CD27: variants seen among roughly 807,000 people sequenced by gnomAD.
The protein encoded by CD27 is CD27 antigen.
CD27 carries 16 observed loss-of-function variants against 25.9 expected under a neutral mutation model. The observed-to-expected ratio is 0.62, with a 90% CI of 0.42 to 0.94. The LOEUF (loss-of-function observed/expected upper bound fraction) is 0.94. CD27 is among the 40% of genes least tolerant of loss of function. The pLI is 0.00. For synonymous variants in CD27, 142 were observed against 124.3 expected, an observed-to-expected ratio of 1.14 and a Z score of -0.95; for missense variants, 300 against 333.2, an observed-to-expected ratio of 0.90 and a Z score of 0.78.
At chr12:6,448,736 ACCTG>A (rs1407519213) in intron 2 of CD27, 1 of 152,208 alleles carries the variant, frequency 6.6e-6, no homozygotes, top group Non-Finnish European at 1.5e-5. Flanking sequence ...CTGCACTCCA[ACCTG>A]GGCGACAAAG....
rs1403805503 is a variant in CD27, at chr12:6,450,538, C to T, written c.449-3C>T. 1 of 1,613,042 alleles carries T rather than the reference C, an allele frequency of 6.2e-7. No homozygotes were observed. Among genetic ancestry groups the T allele is most frequent in the African/African-American group, 1.3e-5 (1 of 74,906 alleles). ...GCTACTCATTCTGTCTCTGTTTTTCCAGAGATGCTGGAGGCCAGGACAGCT... is the reference window on the plus strand; with the variant it reads ...GCTACTCATTCTGTCTCTGTTTTTCTAGAGATGCTGGAGGCCAGGACAGCT... On this transcript the variant is annotated splice_region_variant and splice_polypyrimidine_tract_variant and intron_variant, in intron 3 of 5. Transcript: ENST00000266557. The surrounding 1 kb of genome is among the most constrained non-coding windows in gnomAD (Gnocchi z 4.1).
rs1949502938 is a variant in CD27 at position 6,450,280 on chromosome 12, C to T, written c.376C>T (p.Pro126Ser). 2 of 1,613,804 alleles carry T rather than the reference C, an allele frequency of 1.2e-6. No individual in the cohort carries two copies. Among genetic ancestry groups the T allele is most frequent in the African/African-American group, 1.3e-5 (1 of 74,910 alleles). Residue 126 changes from proline to serine, a missense_variant, in exon 3 of 6, where the codon CCT becomes TCT. Transcript: ENST00000266557. This position sits in a 1 kb window ranked among gnomAD's most constrained non-coding sequence, Gnocchi z 4.1. The part of the protein sequence containing the change: ...ECTECDPLPN[P>S]SLTARSSQAL... The stretch of plus-strand genomic sequence containing the variant: ...CACCGAGTGTGATCCTCTTCCAAAC[C>T]CTTCGCTGACCGCTCGGTCGTCTCA...
rs764932819 is a variant in CD27, at chr12:6,451,440, C to T, written c.*48C>T. 2 of 1,582,590 alleles carry T rather than the reference C, an allele frequency of 1.3e-6. No individual in the cohort carries two copies. Among genetic ancestry groups the T allele is most frequent in the Non-Finnish European group, 1.7e-6 (2 of 1,165,234 alleles). On this transcript the variant is annotated 3_prime_UTR_variant, in exon 6 of 6. Coordinates refer to ENST00000266557, the MANE Select transcript of CD27 (RefSeq NM_001242.5). ...CTACAGCCCTGGCCTCCACCCCCAC[C>T]CCGCCGACCATCCAAGGGAGAGTGA...
At chr12:6,444,618 CA>C (rs1949384958), upstream of CD27, among the ~76,000 whole-genome samples, 1 of 124,030 alleles carries the variant, frequency 8.1e-6, no homozygotes, top group Non-Finnish European at 1.6e-5. Flanking sequence ...GTATGGGAGA[CA>C]GGAGTCCTGC....
Position 6,450,640 on chromosome 12 carries a change from C to T in CD27, c.538+10C>T. 1.9e-6 allele frequency: 3 copies of T among 1,609,270 alleles called. No individual in the cohort carries two copies. The highest frequency in any genetic ancestry group is 2.2e-5 in the South Asian group (2 of 91,056). On this transcript the variant is annotated intron_variant, in intron 4 of 5. Transcript: ENST00000266557. The surrounding 1 kb of genome is among the most constrained non-coding windows in gnomAD (Gnocchi z 4.1). ...TCTACCCACTGGCCACGTGAGTTTT[C>T]TCCTTAATCCCCACCGCTAGAGAGA... is the stretch of plus-strand genomic sequence containing the variant.
chr12:6,444,240 G>A (rs1565507125), upstream of CD27, among the ~76,000 whole-genome samples: 1 of 152,136 alleles, frequency 6.6e-6, no homozygotes. Flanking sequence ...TTAAAGGAGA[G>A]CATAGGTGAT....
At chr12:6,449,262 G>A (rs970998935) in intron 2 of CD27, among the ~76,000 whole-genome samples, 2 of 151,228 alleles carry the variant, frequency 1.3e-5, no homozygotes, top group Non-Finnish European at 2.9e-5. Context: ...CTCCCAAAGT[G>A]CTGGGATTAC....
upstream of CD27, among the ~76,000 whole-genome samples, chr12:6,444,314 T>C (rs1949382572): frequency 6.6e-6 from 1 of 152,274 alleles, no homozygotes; most frequent in Non-Finnish European, 1.5e-5. Context: ...GAGCATTCTG[T>C]AGCAAACTCG....
At position 6,450,745 on chromosome 12, in the gene CD27, T is replaced by C; in HGVS notation, c.538+115T>C. 1 of 1,412,560 alleles carries C rather than the reference T, an allele frequency of 7.1e-7. No homozygotes were observed. The highest frequency in any genetic ancestry group is 1.2e-5 in the South Asian group (1 of 83,680). 87.5% of individuals were successfully genotyped at this position (1,412,560 alleles called of 1,614,324 possible). On this transcript the variant is annotated intron_variant, in intron 4 of 5. Transcript: ENST00000266557. The surrounding 1 kb of genome is among the most constrained non-coding windows in gnomAD (Gnocchi z 4.1). ...GATAAGAGGAGGGGAAAAAGCAGAG[T>C]CCACTGTTTAGGAGAGGAGTTGGCC...
chr12:6,444,652 C>T (rs530165007), upstream of CD27, among the ~76,000 whole-genome samples: 7 of 43,234 alleles, frequency 1.6e-4, no homozygotes, highest in Non-Finnish European at 3.1e-4. Context: ...AAACTGTGGA[C>T]GGGGGGGTGG....
chr12:6,450,488 G>A lies in CD27; in HGVS notation c.449-53G>A. 6.3e-7 allele frequency: 1 copy of A among 1,579,488 alleles called. No homozygotes were observed. The highest frequency in any genetic ancestry group is 1.7e-5 in the Admixed American group (1 of 59,666). Reference sequence around the variant, plus strand: ...CCATCCAGCACCTCTCAGGCCTTCAGATGTGCCCTATGGGGTCCCCTGCTG... The same window carrying A: ...CCATCCAGCACCTCTCAGGCCTTCAAATGTGCCCTATGGGGTCCCCTGCTG... On this transcript the variant is annotated intron_variant, in intron 3 of 5. Transcript: ENST00000266557. This position sits in a 1 kb window ranked among gnomAD's most constrained non-coding sequence, Gnocchi z 4.1.
Position 6,450,792 on chromosome 12 carries a change from A to G in CD27, c.539-103A>G. ...GGCCAACGGTGGCGGGTGGGATAGA[A>G]TAAGGTGGGGGAAAGGGGAGAGGCA... On this transcript the variant is annotated intron_variant, in intron 4 of 5. Transcript: ENST00000266557. This position sits in a 1 kb window ranked among gnomAD's most constrained non-coding sequence, Gnocchi z 4.1. 1 of 1,540,388 alleles carries G rather than the reference A, an allele frequency of 6.5e-7. No individual in the cohort carries two copies. The highest frequency in any genetic ancestry group is 8.9e-7 in the Non-Finnish European group (1 of 1,123,212).
At chr12:6,447,575 C>G (rs1949435117) in intron 2 of CD27, 2 of 152,160 alleles carry the variant, frequency 1.3e-5, no homozygotes, top group Non-Finnish European at 2.9e-5. Flanking sequence ...AATAGAACTC[C>G]CAGGTCTCCG....
chr12:6,451,219 TC>T, intron 5 of CD27, 48 bp from the exon 6 acceptor site: 1 of 1,597,800 alleles, frequency 6.3e-7, no homozygotes, highest in Non-Finnish European at 8.5e-7. Flanking sequence ...TTCTCCCGTC[TC>T]CCCCTGCCCC....
At chr12:6,448,660 G>T (rs1426635708) in intron 2 of CD27, 1 of 152,224 alleles carries the variant, frequency 6.6e-6, no homozygotes, top group African/African-American at 2.4e-5. Flanking sequence ...AGCTACTAGG[G>T]AGGCTGAGGC....
At chr12:6,449,196 C>T (rs955903600) in intron 2 of CD27, among the ~76,000 whole-genome samples, 25 of 152,006 alleles carry the variant, frequency 1.6e-4, no homozygotes, top group African/African-American at 6.0e-4. Flanking sequence ...GGGGTTTCAC[C>T]ATGTTGGCCA....
Position 6,445,267 on chromosome 12 carries a change from C to A in CD27, c.136+36C>A. On this transcript the variant is annotated intron_variant, in intron 1 of 5. Coordinates refer to ENST00000266557, the MANE Select transcript of CD27 (RefSeq NM_001242.5). The surrounding 1 kb of genome is among the most constrained non-coding windows in gnomAD (Gnocchi z 4.5). Reference sequence around the variant, plus strand: ...GCCTTGGTAAGGGCCAGGTGAGTGGCGAAAGAGAGAGGACTGGGGTTAATA... The same window carrying A: ...GCCTTGGTAAGGGCCAGGTGAGTGGAGAAAGAGAGAGGACTGGGGTTAATA... 1 of 1,612,282 alleles carries A rather than the reference C, an allele frequency of 6.2e-7. No homozygotes were observed. The highest frequency in any genetic ancestry group is 2.2e-5 in the East Asian group (1 of 44,868).
Position 6,450,882 on chromosome 12 carries a change from C to T in CD27, c.539-13C>T, listed in dbSNP as rs370335791. On this transcript the variant is annotated splice_polypyrimidine_tract_variant and intron_variant, in intron 4 of 5. Coordinates refer to ENST00000266557, the MANE Select transcript of CD27 (RefSeq NM_001242.5). This position sits in a 1 kb window ranked among gnomAD's most constrained non-coding sequence, Gnocchi z 4.1. ...ACCCTCCCCTAACCCCTGTGTGTCC[C>T]CTCCTATTACAGCCCAAAGATCCCT... 1.7e-5 allele frequency: 28 copies of T among 1,614,094 alleles called. No homozygotes were observed. The African/African-American group carries it at 2.8e-4, about 16-fold the overall frequency.
chr12:6,444,976 C>A lies in CD27; in HGVS notation c.-120C>A. On this transcript the variant is annotated 5_prime_UTR_variant, in exon 1 of 6. It adds an upstream start codon to the 5' untranslated region. Coordinates refer to ENST00000266557, the MANE Select transcript of CD27 (RefSeq NM_001242.5). ...CTGCCTTCAAAGGTTGGCTTGCCAC[C>A]TGAAGCAGCCACTGCCCAGGGGGTG... 1 of 1,180,340 alleles carries A rather than the reference C, an allele frequency of 8.5e-7. No homozygotes were observed. 73.1% of individuals were successfully genotyped at this position (1,180,340 alleles called of 1,614,324 possible).
Sources: gnomAD v4.1 joint callset for allele counts (sites outside exome capture counted in the v4.1 genomes callset) on GRCh38, gnomAD v4.1.1 for gene constraint, Gnocchi (gnomAD v3.1) non-coding constraint, MANE v1.5 for transcripts, NCBI Gene and HGNC (gene_info 2026-07-23, HGNC 2026-07-21) for gene names.